The following MAEA variants were observed in gnomAD, a reference collection of about 807,000 sequenced individuals.
MAEA encodes E3 ubiquitin-protein transferase MAEA.
Under a neutral mutation model 46.2 loss-of-function variants are expected in MAEA, and 22 were observed. The ratio of observed to expected loss-of-function variants is 0.48; its 90% CI spans 0.34 to 0.68. The LOEUF (loss-of-function observed/expected upper bound fraction) is 0.68, where lower values mean the gene tolerates loss of function less well. Among genes scored for constraint, MAEA ranks in the 30% least tolerant of loss-of-function variants. MAEA has a pLI of 0.01. For missense variants in MAEA, 393 were observed against 558.1 expected, an observed-to-expected ratio of 0.70 and a Z score of 2.98; for synonymous variants, 246 against 222.6, an observed-to-expected ratio of 1.11 and a Z score of -0.94.
chr4:1,337,606 CAACT>C (rs1373878240), intron 7 of MAEA: 1 of 171,326 alleles, frequency 5.8e-6, no homozygotes, highest in Non-Finnish European at 1.3e-5. Context: ...GTCCCACCTG[CAACT>C]GACTTCTTCC....
At chr4:1,305,932 C>T (rs764429852) in intron 1 of MAEA, among the ~76,000 whole-genome samples, 6 of 152,122 alleles carry the variant, frequency 3.9e-5, no homozygotes, top group East Asian at 1.9e-4. Context: ...AGCTGTCGGG[C>T]GGGCGGGAGA....
chr4:1,331,761 GT>G (rs1263421627), intron 5 of MAEA: 1 of 61,066 alleles, frequency 1.6e-5, no homozygotes, highest in African/African-American at 2.0e-4. Context: ...GTGACCCTGT[GT>G]GTGGGGGGGG....
intron 5 of MAEA, chr4:1,328,742 C>G (rs946089395): frequency 8.2e-7 from 1 of 1,222,058 alleles, no homozygotes; most frequent in Non-Finnish European, 1.0e-6. Context: ...CGCGGCAAGT[C>G]CCTGCCCTTG....
At chr4:1,305,355 G>A (rs1735726593) in intron 1 of MAEA, among the ~76,000 whole-genome samples, 1 of 152,140 alleles carries the variant, frequency 6.6e-6, no homozygotes, top group Admixed American at 6.5e-5. Context: ...GCTGTGCCCC[G>A]CTGCTTCCAG....
At chr4:1,320,883 G>C (rs1414383205) in intron 3 of MAEA, among the ~76,000 whole-genome samples, 1 of 152,256 alleles carries the variant, frequency 6.6e-6, no homozygotes, top group African/African-American at 2.4e-5. Flanking sequence ...GGCAGATCAC[G>C]AGTTCAGGAG....
At chr4:1,294,684 GC>G (rs1734449876) in intron 1 of MAEA, among the ~76,000 whole-genome samples, 1 of 151,842 alleles carries the variant, frequency 6.6e-6, no homozygotes, top group Non-Finnish European at 1.5e-5. Flanking sequence ...GACAAGTGAG[GC>G]CCCTGTCTAC....
chr4:1,326,465 C>T (rs374560097), intron 4 of MAEA, among the ~76,000 whole-genome samples: 17 of 152,204 alleles, frequency 1.1e-4, no homozygotes, highest in South Asian at 4.1e-4. Context: ...TGGATGACTG[C>T]GGTCAATGTT....
At chr4:1,334,164 A>C (rs11247993) in intron 6 of MAEA, among the ~76,000 whole-genome samples, 1 of 16,166 alleles carries the variant, frequency 6.2e-5, no homozygotes. Flanking sequence ...ATCCACCCCC[A>C]TGCCCACCCC....
chr4:1,300,755 G>A (rs943500102), intron 1 of MAEA, among the ~76,000 whole-genome samples: 3 of 152,250 alleles, frequency 2.0e-5, no homozygotes, highest in African/African-American at 7.2e-5. Flanking sequence ...CAGAGCTCAG[G>A]GCCGACAGCA....
chr4:1,328,753 C>A lies in MAEA; in HGVS notation c.656+1050C>A. On this transcript the variant is annotated intron_variant, in intron 5 of 8. Transcript: ENST00000303400. ...GAACCGCGGCAAGTCCCTGCCCTTGCGTGGACCCTGGAGAGGCCCGGGGTC... is the reference window on the plus strand; with the variant it reads ...GAACCGCGGCAAGTCCCTGCCCTTGAGTGGACCCTGGAGAGGCCCGGGGTC... 4 of 1,196,144 alleles carry A rather than the reference C, an allele frequency of 3.3e-6. No individual in the cohort carries two copies. In the South Asian group the frequency reaches 5.9e-5, roughly 18 times the overall value. 74.1% of individuals were successfully genotyped at this position (1,196,144 alleles called of 1,614,324 possible).
chr4:1,296,639 C>G (rs1213435555), intron 1 of MAEA, among the ~76,000 whole-genome samples: 1 of 106,118 alleles, frequency 9.4e-6, no homozygotes, highest in Non-Finnish European at 2.0e-5. Context: ...AAAACCCCTT[C>G]CTTGCCCCCG....
At chr4:1,309,894 G>T (rs13112706) in intron 1 of MAEA, 548,673 of 1,295,768 alleles carry the variant, frequency 0.42, 122,844 homozygotes, top group Non-Finnish European at 0.46. Flanking sequence ...CCCGGCAGGG[G>T]TTGGAAAGTC....
At chr4:1,316,407 G>C (rs1037595128) in intron 3 of MAEA, among the ~76,000 whole-genome samples, 7 of 152,116 alleles carry the variant, frequency 4.6e-5, no homozygotes, top group Admixed American at 4.6e-4. Context: ...TCCTGCTGTG[G>C]GAGCACAGCC....
intron 6 of MAEA, among the ~76,000 whole-genome samples, chr4:1,333,402 G>C (rs534617610): frequency 6.6e-6 from 1 of 151,766 alleles, no homozygotes; most frequent in Non-Finnish European, 1.5e-5. Context: ...GCGTTCAGCC[G>C]GGGCCCAGCT....
chr4:1,320,849 C>A (rs564002922), intron 3 of MAEA, among the ~76,000 whole-genome samples: 46 of 151,340 alleles, frequency 3.0e-4, no homozygotes, highest in African/African-American at 1.1e-3. Flanking sequence ...GCCTGTAATC[C>A]CAGCACTCTG....
At chr4:1,318,470 C>T (rs1020425076) in intron 3 of MAEA, among the ~76,000 whole-genome samples, 1 of 152,176 alleles carries the variant, frequency 6.6e-6, no homozygotes, top group African/African-American at 2.4e-5. Flanking sequence ...GTGAGACGGG[C>T]TACACTCAAG....
rs1733919672 is a variant in MAEA, at chr4:1,289,955, G to C, written c.42G>C (p.Leu14=). The change falls in exon 1 of 9, where the codon CTG becomes CTC. Residue 14 remains leucine, a synonymous_variant. Transcript: ENST00000303400. Reference sequence around the variant, plus strand: ...CGGCGGCTCAGTTGTCCATGACCCTGAAGGTCCAGGAGTACCCGACCCTCA... The same window carrying C: ...CGGCGGCTCAGTTGTCCATGACCCTCAAGGTCCAGGAGTACCCGACCCTCA... ...QESAAQLSMT[L]KVQEYPTLKV... The C allele has an allele frequency of 1.2e-6, 2 of 1,600,630 alleles. No homozygotes were observed. The highest frequency in any genetic ancestry group is 1.7e-6 in the Non-Finnish European group (2 of 1,173,462).
rs568089975 is a variant in MAEA, at chr4:1,334,149, C to T, written c.765+1284C>T. Reference sequence around the variant, plus strand: ...ACCCCATGCCCACCATGTGCTCACCCCTGCATCCACCCCCATGCCCACCCC... The same window carrying T: ...ACCCCATGCCCACCATGTGCTCACCTCTGCATCCACCCCCATGCCCACCCC... On this transcript the variant is annotated intron_variant, in intron 6 of 8. Transcript: ENST00000303400. 1.1e-4 allele frequency among the ~76,000 whole-genome samples: 10 copies of T among 90,268 alleles called. 3 individuals carry two copies. The highest frequency in any genetic ancestry group is 1.9e-4 in the Non-Finnish European group (8 of 42,428). 59.2% of individuals were successfully genotyped at this position (90,268 alleles called of 152,430 possible). A position where few individuals can be genotyped will look rare whatever the true frequency, so the allele number is the denominator to read the frequency against.
intron 1 of MAEA, among the ~76,000 whole-genome samples, chr4:1,310,617 A>G (rs76854433): frequency 0.034 from 5,137 of 152,344 alleles, 115 homozygotes; most frequent in Middle Eastern, 0.058. Context: ...GCTCGGTAGC[A>G]GACGGTGATG....
Sources: gnomAD v4.1 joint callset for allele counts (sites outside exome capture counted in the v4.1 genomes callset) on GRCh38, gnomAD v4.1.1 for gene constraint, MANE v1.5 for transcripts, NCBI Gene and HGNC (gene_info 2026-07-23, HGNC 2026-07-21) for gene names.